The following ADAMTSL3 variants were observed in gnomAD, a reference collection of about 807,000 sequenced individuals.
The protein encoded by ADAMTSL3 is ADAMTS like 3.
In ADAMTSL3, 128 loss-of-function variants were observed where a neutral mutation model predicts 201.7. That is an observed-to-expected ratio of 0.63 (90% CI 0.55 to 0.73). ADAMTSL3 has a LOEUF of 0.73. Among genes scored for constraint, ADAMTSL3 ranks in the 30% least tolerant of loss-of-function variants. The probability of loss-of-function intolerance (pLI) is 0.00; values close to 1 mark genes in which losing one functional copy is unlikely to be tolerated. For missense variants in ADAMTSL3, 1,990 were observed against 2,119.6 expected (o/e 0.94, Z 1.20); for synonymous variants, 738 against 748.4 (o/e 0.99, Z 0.23).
intron 2 of ADAMTSL3, among the ~76,000 whole-genome samples, chr15:83,678,189 G>A (rs1567066413): frequency 6.6e-6 from 1 of 152,000 alleles, no homozygotes; most frequent in South Asian, 2.1e-4. Context: ...AACTCATAAG[G>A]AGAAGGATAT....
chr15:83,681,847 T>G (rs1354012484), intron 2 of ADAMTSL3, among the ~76,000 whole-genome samples: 3 of 152,164 alleles, frequency 2.0e-5, no homozygotes, highest in African/African-American at 7.2e-5. Flanking sequence ...TCAAGGATAC[T>G]TCTAGAATTT....
At chr15:84,014,784 C>T (rs2068061862) in intron 24 of ADAMTSL3, 60 bp downstream of exon 24, 2 of 1,496,002 alleles carry the variant, frequency 1.3e-6, no homozygotes, top group East Asian at 4.9e-5. Flanking sequence ...AAAGTAGGCC[C>T]CAGTTTTGTT....
chr15:83,669,885 A>C (rs1261312116), intron 2 of ADAMTSL3, among the ~76,000 whole-genome samples: 1 of 152,004 alleles, frequency 6.6e-6, no homozygotes, highest in East Asian at 1.9e-4. Context: ...CTCATAAATG[A>C]AATTATGACT....
chr15:83,806,582 G>A (rs1475800665), intron 5 of ADAMTSL3, among the ~76,000 whole-genome samples: 1 of 152,180 alleles, frequency 6.6e-6, no homozygotes, highest in Non-Finnish European at 1.5e-5. Context: ...GGCTGGGTGT[G>A]GTGGCTCATG....
chr15:83,715,054 G>A (rs1457834925), intron 3 of ADAMTSL3, among the ~76,000 whole-genome samples: 3 of 151,936 alleles, frequency 2.0e-5, no homozygotes, highest in Non-Finnish European at 4.4e-5. Context: ...GAGAAGGTGG[G>A]TGTGGTCAAA....
intron 3 of ADAMTSL3, among the ~76,000 whole-genome samples, chr15:83,763,149 C>G (rs911689461): frequency 6.6e-6 from 1 of 152,206 alleles, no homozygotes; most frequent in Non-Finnish European, 1.5e-5. Context: ...CCTCAGCCCC[C>G]TGAAGTGTTG....
At chr15:83,966,023 C>T (rs111277504) in intron 19 of ADAMTSL3, among the ~76,000 whole-genome samples, 1 of 152,172 alleles carries the variant, frequency 6.6e-6, no homozygotes, top group Admixed American at 6.5e-5. Context: ...CTCTGGGACA[C>T]AGCTAAAGCA....
At chr15:83,849,375 C>T (rs1479085707) in intron 7 of ADAMTSL3, among the ~76,000 whole-genome samples, 1 of 152,140 alleles carries the variant, frequency 6.6e-6, no homozygotes, top group African/African-American at 2.4e-5. Flanking sequence ...GATCTCCTAC[C>T]TTAACCTCCC....
chr15:83,765,425 A>C (rs763604958), intron 3 of ADAMTSL3, among the ~76,000 whole-genome samples: 28 of 152,164 alleles, frequency 1.8e-4, no homozygotes, highest in Middle Eastern at 3.2e-3. Context: ...GGTTGTTTTT[A>C]ATATGGAGCT....
At chr15:83,834,869 A>G in intron 6 of ADAMTSL3, among the ~76,000 whole-genome samples, 1 of 152,308 alleles carries the variant, frequency 6.6e-6, no homozygotes, top group South Asian at 2.1e-4. Flanking sequence ...TTAATAAATC[A>G]CTATAATTAG....
intron 20 of ADAMTSL3, among the ~76,000 whole-genome samples, chr15:83,975,527 G>A (rs1029037585): frequency 5.3e-5 from 8 of 152,156 alleles, no homozygotes; most frequent in African/African-American, 1.2e-4. Flanking sequence ...GTCCCAGGAC[G>A]TACGTGTTAC....
At chr15:83,863,161 A>T (rs4325519) in intron 8 of ADAMTSL3, among the ~76,000 whole-genome samples, 21,047 of 152,176 alleles carry the variant, frequency 0.14, 1,890 homozygotes, top group Middle Eastern at 0.32. Context: ...ACTCCCATAC[A>T]ATAATAATGG....
At chr15:83,829,607 A>T (rs1259316613) in intron 6 of ADAMTSL3, among the ~76,000 whole-genome samples, 1 of 151,960 alleles carries the variant, frequency 6.6e-6, no homozygotes, top group East Asian at 1.9e-4. Context: ...TAGTTCTTTT[A>T]ATTGTGATGT....
In ADAMTSL3 at chr15:83,983,170, G is replaced by C; in HGVS notation, c.3542G>C (p.Arg1181Thr). 1 of 1,613,770 alleles carries C rather than the reference G, an allele frequency of 6.2e-7. No homozygotes were observed. Among genetic ancestry groups the C allele is most frequent in the South Asian group, 1.1e-5 (1 of 90,970 alleles). Residue 1181 changes from arginine to threonine, a missense_variant, in exon 21 of 30, where the codon AGG becomes ACG. Arg to Thr is a moderately conservative substitution (Grantham distance 71, BLOSUM62 -1). Coordinates refer to ENST00000286744, the MANE Select transcript of ADAMTSL3 (RefSeq NM_207517.3). ...AAGCCGAAAGGACCTGTTCTCATGA[G>C]GCAAAGCCAACCTCCCTCAATTTCA... Reference protein sequence around the residue: ...TFKPKGPVLMRQSQPPSISFN... With the variant: ...TFKPKGPVLMTQSQPPSISFN...
Position 83,966,646 on chromosome 15 carries a change from A to G in ADAMTSL3, c.2491-3838A>G, listed in dbSNP as rs555318853. On this transcript the variant is annotated intron_variant, in intron 19 of 29. Coordinates refer to ENST00000286744, the MANE Select transcript of ADAMTSL3 (RefSeq NM_207517.3). ...TCCTTCTGAAACTATTCCAAACAAT[A>G]GAAAAAGAAGGACTCCTCCCTAACT... 8.5e-5 allele frequency among the ~76,000 whole-genome samples: 13 copies of G among 152,320 alleles called. No homozygotes were observed. In the East Asian group the frequency reaches 2.3e-3, roughly 27 times the overall value.
intron 19 of ADAMTSL3, among the ~76,000 whole-genome samples, chr15:83,946,702 C>T (rs754206353): frequency 3.3e-5 from 5 of 152,120 alleles, no homozygotes; most frequent in African/African-American, 1.2e-4. Context: ...AGAGGCAGAT[C>T]GTTCATTGGA....
intron 3 of ADAMTSL3, among the ~76,000 whole-genome samples, chr15:83,773,188 G>A (rs1461878814): frequency 3.9e-5 from 6 of 152,084 alleles, no homozygotes; most frequent in African/African-American, 7.2e-5. Flanking sequence ...GAGGCGGGCA[G>A]ATCACCTGAG....
intron 2 of ADAMTSL3, among the ~76,000 whole-genome samples, chr15:83,674,766 C>CATATACATATATATATATATATATAT (rs2061376830): frequency 1.5e-5 from 1 of 68,952 alleles, no homozygotes; most frequent in African/African-American, 5.4e-5. Context: ...CACATATATA[C>CATATACATATATATATATATATATAT]ATATATATAT....
intron 3 of ADAMTSL3, among the ~76,000 whole-genome samples, chr15:83,762,891 CTTTT>C (rs11352885): frequency 7.0e-6 from 1 of 143,472 alleles, no homozygotes; most frequent in Non-Finnish European, 1.5e-5. Context: ...TGATTTACTT[CTTTT>C]TTTTTTTTTG....
Sources: allele counts gnomAD v4.1 joint callset (sites outside exome capture counted in the v4.1 genomes callset), GRCh38; gene constraint gnomAD v4.1.1; transcripts MANE v1.5; gene names NCBI Gene and HGNC (gene_info 2026-07-23, HGNC 2026-07-21).